The following WWOX variants were observed in gnomAD, a reference collection of about 807,000 sequenced individuals.
WWOX encodes the protein WW domain containing oxidoreductase.
WWOX carries 69 observed loss-of-function variants against 46.2 expected under a neutral mutation model. That is an observed-to-expected ratio of 1.49 (90% CI 1.23 to 1.82). The LOEUF (loss-of-function observed/expected upper bound fraction) is 1.82, where lower values mean the gene tolerates loss of function less well. Ranked by LOEUF, WWOX falls within the 40% of genes most tolerant of loss-of-function variation. The probability of loss-of-function intolerance (pLI) is 0.00; values close to 1 mark genes in which losing one functional copy is unlikely to be tolerated. For synonymous variants in WWOX, 359 were observed against 202.6 expected (o/e 1.77, Z -6.56); for missense variants, 919 against 542.6 (o/e 1.69, Z -6.89).
intron 8 of WWOX, among the ~76,000 whole-genome samples, chr16:78,887,053 G>T (rs1244868272): frequency 6.7e-6 from 1 of 148,818 alleles, no homozygotes; most frequent in Non-Finnish European, 1.5e-5. Context: ...TGAAGTGACA[G>T]TCTGGCTATA....
chr16:79,162,851 G>A (rs2050514115), intron 8 of WWOX, among the ~76,000 whole-genome samples: 1 of 152,144 alleles, frequency 6.6e-6, no homozygotes, highest in African/African-American at 2.4e-5. Flanking sequence ...TGTCTTCCCA[G>A]AGAGCTTCTA....
At chr16:78,443,915 A>G (rs1004906201) in intron 8 of WWOX, among the ~76,000 whole-genome samples, 2 of 152,170 alleles carry the variant, frequency 1.3e-5, no homozygotes, top group Non-Finnish European at 2.9e-5. Context: ...ATTGGAGGCC[A>G]GCGTGATTAA....
intron 4 of WWOX, among the ~76,000 whole-genome samples, chr16:78,150,805 A>T (rs2034378548): frequency 6.6e-6 from 1 of 152,154 alleles, no homozygotes; most frequent in Admixed American, 6.5e-5. Context: ...GGGGGTTATC[A>T]ATTATTCACA....
In WWOX at chr16:78,396,737, A is replaced by T. The variant is rs183805436; in HGVS notation, c.605+9789A>T. 5.2e-3 allele frequency among the ~76,000 whole-genome samples: 793 copies of T among 152,358 alleles called. 5 individuals carry two copies. The highest frequency in any genetic ancestry group is 0.018 in the African/African-American group (736 of 41,576). ...TCAGATAGTAAATATTTTTGCTCTC[A>T]TCAGCCAGACAGTCTCTGCGGCAAC... On this transcript the variant is annotated intron_variant, in intron 6 of 8. Transcript: ENST00000566780.
chr16:78,770,391 A>G (rs1258730969), intron 8 of WWOX, among the ~76,000 whole-genome samples: 3 of 152,240 alleles, frequency 2.0e-5, no homozygotes. Flanking sequence ...CCAAGAATAC[A>G]GATTTGGGAG....
intron 8 of WWOX, among the ~76,000 whole-genome samples, chr16:78,712,092 T>C (rs922467005): frequency 6.6e-6 from 1 of 152,204 alleles, no homozygotes; most frequent in Non-Finnish European, 1.5e-5. Context: ...TATCCATTCC[T>C]GTATCCTTTG....
chr16:79,169,813 ACT>A (rs1186646636), intron 8 of WWOX, among the ~76,000 whole-genome samples: 1 of 151,992 alleles, frequency 6.6e-6, no homozygotes, highest in East Asian at 1.9e-4. Context: ...GTTTTTCCTG[ACT>A]CTAAATAGTG....
intron 8 of WWOX, chr16:78,825,192 G>C (rs974670881): frequency 1.3e-5 from 2 of 157,908 alleles, no homozygotes; most frequent in African/African-American, 2.4e-5. Context: ...TCCATGGGCA[G>C]CGTCTTCTTA....
intron 8 of WWOX, among the ~76,000 whole-genome samples, chr16:78,555,869 C>A (rs1351375353): frequency 4.6e-5 from 7 of 152,086 alleles, no homozygotes; most frequent in Non-Finnish European, 1.0e-4. Context: ...TTATCACAAT[C>A]TCTGCAGAAT....
chr16:78,416,333 C>A (rs1015999333), intron 6 of WWOX, among the ~76,000 whole-genome samples: 2 of 152,172 alleles, frequency 1.3e-5, no homozygotes, highest in East Asian at 1.9e-4. Flanking sequence ...AAAAGTAATT[C>A]TTTTCCTTTT....
In WWOX at chr16:78,983,634, C is replaced by T. The variant is rs140053281; in HGVS notation, c.1057-227974C>T. ...TAGACTCTCCTGGTGTTAGATTTGG[C>T]CTTGTGACTTCCAGCCAATGGAATC... On this transcript the variant is annotated intron_variant, in intron 8 of 8. Transcript: ENST00000566780. 2.0e-5 allele frequency among the ~76,000 whole-genome samples: 3 copies of T among 152,222 alleles called. No individual in the cohort carries two copies. In the East Asian group the frequency reaches 5.8e-4, roughly 30 times the overall value.
In WWOX at chr16:78,755,777, C is replaced by T. The variant is rs144556459; in HGVS notation, c.1056+323025C>T. On this transcript the variant is annotated intron_variant, in intron 8 of 8. Coordinates refer to ENST00000566780, the MANE Select transcript of WWOX (RefSeq NM_016373.4). Reference sequence around the variant, plus strand: ...CTGAAAAGGGGCATGGGGATAATTACAAAAACATACCTGGTTCCACTCTCA... The same window carrying T: ...CTGAAAAGGGGCATGGGGATAATTATAAAAACATACCTGGTTCCACTCTCA... Among the ~76,000 whole-genome samples, 266 of 152,296 alleles carry T rather than the reference C, an allele frequency of 1.7e-3. 1 individual carries two copies. The highest frequency in any genetic ancestry group is 6.2e-3 in the African/African-American group (259 of 41,572).
At chr16:79,061,781 A>T (rs1171632225) in intron 8 of WWOX, among the ~76,000 whole-genome samples, 1 of 152,226 alleles carries the variant, frequency 6.6e-6, no homozygotes, top group Admixed American at 6.5e-5. Flanking sequence ...AATACTGATC[A>T]TAGCTAATAT....
chr16:78,752,105 C>T lies in WWOX; in HGVS notation c.1056+319353C>T, dbSNP rs564068006. On this transcript the variant is annotated intron_variant, in intron 8 of 8. Transcript: ENST00000566780. ...AAACTTTGTCTTTGTTTTAAATAATCAGTCAGTTGTCTCAATCCATAAAAG... is the reference window on the plus strand; with the variant it reads ...AAACTTTGTCTTTGTTTTAAATAATTAGTCAGTTGTCTCAATCCATAAAAG... Among the ~76,000 whole-genome samples the T allele has an allele frequency of 4.6e-5, 7 of 152,280 alleles. No individual in the cohort carries two copies. The East Asian group carries it at 9.6e-4, about 21-fold the overall frequency.
intron 5 of WWOX, among the ~76,000 whole-genome samples, chr16:78,368,333 G>A (rs72796014): frequency 0.053 from 8,094 of 152,196 alleles, 282 homozygotes; most frequent in East Asian, 0.12. Context: ...GGAACATATG[G>A]CCCTTAGCCA....
intron 4 of WWOX, among the ~76,000 whole-genome samples, chr16:78,155,401 A>C (rs8059793): frequency 0.65 from 98,444 of 151,990 alleles, 32,180 homozygotes; most frequent in East Asian, 0.76. Context: ...AAGATAGTAT[A>C]AGATAAGTAG....
intron 8 of WWOX, among the ~76,000 whole-genome samples, chr16:79,112,403 C>A (rs1200936394): frequency 1.3e-5 from 2 of 152,118 alleles, no homozygotes; most frequent in African/African-American, 4.8e-5. Flanking sequence ...TTTGCTCATA[C>A]CCTGGACCAA....
intron 5 of WWOX, 109 bp downstream of exon 5, chr16:78,164,398 T>C: frequency 1.0e-6 from 1 of 975,324 alleles, no homozygotes; most frequent in Non-Finnish European, 1.6e-6. Flanking sequence ...TGGAATCATG[T>C]CTTTATTTTT....
At chr16:78,422,301 T>C (rs2082951779) in intron 6 of WWOX, among the ~76,000 whole-genome samples, 1 of 151,940 alleles carries the variant, frequency 6.6e-6, no homozygotes, top group Non-Finnish European at 1.5e-5. Context: ...CTTTATTGCA[T>C]GCCAATGTTT....
Sources: gnomAD v4.1 joint callset for allele counts (sites outside exome capture counted in the v4.1 genomes callset) on GRCh38, gnomAD v4.1.1 for gene constraint, MANE v1.5 for transcripts, NCBI Gene and HGNC (gene_info 2026-07-23, HGNC 2026-07-21) for gene names.